Variants in ATRN observed in about 807,000 individuals in gnomAD.
ATRN encodes attractin, also known as attractin-2.
Under a neutral mutation model 178.7 loss-of-function variants are expected in ATRN, and 54 were observed. The ratio of observed to expected loss-of-function variants is 0.30; its 90% CI spans 0.24 to 0.38. The LOEUF (loss-of-function observed/expected upper bound fraction) is 0.38, where lower values mean the gene tolerates loss of function less well. Among genes scored for constraint, ATRN ranks in the 10% least tolerant of loss-of-function variants. The pLI is 1.00. For missense variants in ATRN, 1,443 were observed against 1,815.1 expected, an observed-to-expected ratio of 0.79 and a Z score of 3.73; for synonymous variants, 636 against 663.0, an observed-to-expected ratio of 0.96 and a Z score of 0.63.
chr20:3,559,788 C>T (rs1331740616), intron 7 of ATRN, among the ~76,000 whole-genome samples: 1 of 152,126 alleles, frequency 6.6e-6, no homozygotes, highest in African/African-American at 2.4e-5. Context: ...AGAATAGCCA[C>T]ATTGTAATGT....
rs1464317557 is a variant in ATRN at position 3,650,822 on chromosome 20, T to C, written c.*3975T>C. On this transcript the variant is annotated 3_prime_UTR_variant, in exon 29 of 29. Transcript: ENST00000262919. ...TTATAGTTATTTACGATTTCGTTTG[T>C]TTGGATTCAAGCTTAGTTTGTTAAT... 1 of 152,696 alleles carries C rather than the reference T, an allele frequency of 6.5e-6. No individual in the cohort carries two copies. The highest frequency in any genetic ancestry group is 1.5e-5 in the Non-Finnish European group (1 of 68,050). The allele number at this position is 152,696 out of a possible 1,614,324, so 9.5% of individuals were successfully genotyped here.
intron 25 of ATRN, among the ~76,000 whole-genome samples, chr20:3,630,422 A>C (rs1274735470): frequency 1.3e-5 from 2 of 152,062 alleles, no homozygotes; most frequent in African/African-American, 4.8e-5. Flanking sequence ...GTAAACTTAG[A>C]CTCTTCAGGG....
intron 1 of ATRN, chr20:3,489,412 C>A: frequency 1.5e-6 from 1 of 677,908 alleles, no homozygotes; most frequent in Non-Finnish European, 2.7e-6. Context: ...AGGATGCATG[C>A]TAGACCATGA....
intron 1 of ATRN, among the ~76,000 whole-genome samples, chr20:3,513,303 A>G (rs2085161946): frequency 6.6e-6 from 1 of 152,154 alleles, no homozygotes; most frequent in South Asian, 2.1e-4. Flanking sequence ...TAAGGAAGGG[A>G]TCCAGTTTCA....
chr20:3,577,748 A>G (rs1479050788), intron 14 of ATRN, among the ~76,000 whole-genome samples: 4 of 152,126 alleles, frequency 2.6e-5, no homozygotes, highest in African/African-American at 9.7e-5. Flanking sequence ...TGCGAAAGGC[A>G]TATTCTGGTG....
Position 3,489,988 on chromosome 20 carries a change from G to A in ATRN, c.410+18471G>A, listed in dbSNP as rs149376196. 5.9e-5 allele frequency: 59 copies of A among 992,228 alleles called. 1 individual carries two copies. In the Middle Eastern group the frequency reaches 1.1e-3, roughly 18 times the overall value. 61.5% of individuals were successfully genotyped at this position (992,228 alleles called of 1,614,324 possible). A position where few individuals can be genotyped will look rare whatever the true frequency, so the allele number is the denominator to read the frequency against. ...TCTCCTGTCCTTGCTTGCTTGCACT[G>A]TGCATTTTCATGAGTGAGATGTTGC... is the stretch of plus-strand genomic sequence containing the variant. On this transcript the variant is annotated intron_variant, in intron 1 of 28. Transcript: ENST00000262919.
chr20:3,576,719 A>ATCTATCTATCTATCTG, intron 13 of ATRN, 140 bp from the exon 14 acceptor site: 1 of 668,784 alleles, frequency 1.5e-6, no homozygotes. Context: ...CTATCTATCT[A>ATCTATCTATCTATCTG]TCTATCTATC....
chr20:3,640,546 C>G (rs2087059845), intron 27 of ATRN, among the ~76,000 whole-genome samples: 4 of 152,130 alleles, frequency 2.6e-5, no homozygotes. Context: ...GGAAAGAAAA[C>G]AAGTTGGATT....
At chr20:3,546,283 A>C (rs542118094) in intron 4 of ATRN, among the ~76,000 whole-genome samples, 1 of 152,310 alleles carries the variant, frequency 6.6e-6, no homozygotes, top group Non-Finnish European at 1.5e-5. Context: ...ATACTCATTA[A>C]AGTACCTTGA....
chr20:3,562,283 C>A lies in ATRN; in HGVS notation c.1455C>A (p.Asn485Lys). 6.2e-7 allele frequency: 1 copy of A among 1,612,266 alleles called. No individual in the cohort carries two copies. Among genetic ancestry groups the A allele is most frequent in the Non-Finnish European group, 8.5e-7 (1 of 1,179,040 alleles). ...SNVQEYDLDK[N>K]TWSILHTQGA... is the part of the protein sequence containing the mutation. ...ACTGTCTTTCCTTTCCAGATAAGAACACATGGAGTATATTACACACCCAGG... is the reference window on the plus strand; with the variant it reads ...ACTGTCTTTCCTTTCCAGATAAGAAAACATGGAGTATATTACACACCCAGG... Residue 485 changes from asparagine (N) to lysine (K), a missense_variant, in exon 9 of 29, where the codon AAC becomes AAA. Asn to Lys is a moderately conservative substitution (Grantham distance 94). Coordinates refer to ENST00000262919, the MANE Select transcript of ATRN (RefSeq NM_139321.3).
intron 1 of ATRN, among the ~76,000 whole-genome samples, chr20:3,528,889 G>A (rs1003869639): frequency 6.6e-6 from 1 of 151,962 alleles, no homozygotes; most frequent in Non-Finnish European, 1.5e-5. Context: ...CTTGGCTCAT[G>A]GCAACCTCTG....
intron 24 of ATRN, among the ~76,000 whole-genome samples, chr20:3,607,885 T>C (rs1029456701): frequency 6.6e-6 from 1 of 152,210 alleles, no homozygotes; most frequent in African/African-American, 2.4e-5. Flanking sequence ...GCATCTGTTA[T>C]TTTGTCTTTT....
chr20:3,498,867 C>T (rs2084917057), intron 1 of ATRN, among the ~76,000 whole-genome samples: 1 of 139,656 alleles, frequency 7.2e-6, no homozygotes, highest in South Asian at 2.2e-4. Flanking sequence ...AAAGGGTATT[C>T]AATTAGGAAA....
At chr20:3,523,505 C>G (rs945171738) in intron 1 of ATRN, among the ~76,000 whole-genome samples, 3 of 152,076 alleles carry the variant, frequency 2.0e-5, no homozygotes, top group African/African-American at 7.2e-5. Context: ...AGGATATTTT[C>G]CAGGAGAACT....
intron 1 of ATRN, among the ~76,000 whole-genome samples, chr20:3,532,769 CT>C (rs5839998): frequency 0.22 from 32,795 of 147,156 alleles, 3,969 homozygotes; most frequent in African/African-American, 0.3. Flanking sequence ...CCTTTATACT[CT>C]TTTTTTTTTT....
At chr20:3,524,252 A>C (rs986112487) in intron 1 of ATRN, among the ~76,000 whole-genome samples, 6 of 150,542 alleles carry the variant, frequency 4.0e-5, no homozygotes, top group Non-Finnish European at 5.9e-5. Context: ...AAAAAAAAGC[A>C]GGGGTTGCAA....
In ATRN at chr20:3,632,346, C is replaced by G. The variant is rs75636069; in HGVS notation, c.3864-1965C>G. Among the ~76,000 whole-genome samples, 2,532 of 152,250 alleles carry G rather than the reference C, an allele frequency of 0.017. 69 individuals carry two copies. Among genetic ancestry groups the G allele is most frequent in the African/African-American group, 0.058 (2,402 of 41,528 alleles). ...GTTTAAAAACCTGCACTGGCTCTTT[C>G]CCAATGCCCTCATAATGCTTGCAGT... On this transcript the variant is annotated intron_variant, in intron 25 of 28. Coordinates refer to ENST00000262919, the MANE Select transcript of ATRN (RefSeq NM_139321.3). This position sits in a 1 kb window ranked among gnomAD's most constrained non-coding sequence, Gnocchi z 4.2.
chr20:3,471,062 G>A lies in ATRN; in HGVS notation c.-46G>A, dbSNP rs1408889618. On this transcript the variant is annotated 5_prime_UTR_variant, in exon 1 of 29. Coordinates refer to ENST00000262919, the MANE Select transcript of ATRN (RefSeq NM_139321.3). ...CCAGGCGAAGCGGAGCCGGCCGTGC[G>A]GTGTGTGTGTATGTGTTCGCGGGGC... 3 of 1,471,174 alleles carry A rather than the reference G, an allele frequency of 2.0e-6. No individual in the cohort carries two copies. Among genetic ancestry groups the A allele is most frequent in the Non-Finnish European group, 8.9e-7 (1 of 1,118,382 alleles). 91.1% of individuals were successfully genotyped at this position (1,471,174 alleles called of 1,614,324 possible).
rs780144563 is a variant in ATRN, at chr20:3,481,791, C to CTTT, written c.410+10294_410+10296dup. 7.3e-4 allele frequency among the ~76,000 whole-genome samples: 73 copies of CTTT among 100,480 alleles called. 3 individuals are homozygous for CTTT. In the East Asian group the frequency reaches 8.6e-3, roughly 12 times the overall value. The allele number at this position is 100,480 out of a possible 152,430, so 65.9% of individuals were successfully genotyped here. On this transcript the variant is annotated intron_variant, in intron 1 of 28. Transcript: ENST00000262919. The stretch of plus-strand genomic sequence containing the variant: ...TTAATTTTAGTAATGGGTGAATTTC[C>CTTT]TTTTTTTTTTTTTTTTTTTTTTAGA...
Sources: gnomAD v4.1 joint callset for allele counts (sites outside exome capture counted in the v4.1 genomes callset) on GRCh38, gnomAD v4.1.1 for gene constraint, Gnocchi (gnomAD v3.1) non-coding constraint, MANE v1.5 for transcripts, NCBI Gene and HGNC (gene_info 2026-07-23, HGNC 2026-07-21) for gene names.